The following RPL18 variants were observed in gnomAD, a reference collection of about 807,000 sequenced individuals.
RPL18 encodes the protein ribosomal protein L18.
In RPL18, 4 loss-of-function variants were observed where a neutral mutation model predicts 25.0. The ratio of observed to expected loss-of-function variants is 0.16; its 90% CI spans 0.08 to 0.37. RPL18 has a LOEUF of 0.37. RPL18 is among the 10% of genes least tolerant of loss of function. RPL18 has a pLI of 1.00. For missense variants in RPL18, 179 were observed against 267.9 expected, an observed-to-expected ratio of 0.67 and a Z score of 2.32; for synonymous variants, 129 against 101.6, an observed-to-expected ratio of 1.27 and a Z score of -1.62.
chr19:48,617,090 C>T lies in RPL18; in HGVS notation c.198+226G>A, dbSNP rs1307531960. The T allele has an allele frequency of 9.9e-6, 7 of 704,836 alleles. No homozygotes were observed. The Admixed American group carries it at 1.2e-4, about 12-fold the overall frequency. The allele number at this position is 704,836 out of a possible 1,614,324, so 43.7% of individuals were successfully genotyped here. ...ACTTGGGGCAATCTCCTGAAGCCAC[C>T]AGGACACCTCCACCTCACAAAGAGA... On this transcript the variant is annotated intron_variant, in intron 3 of 6. Coordinates refer to ENST00000549920, the MANE Select transcript of RPL18 (RefSeq NM_000979.4).
chr19:48,618,350 G>GA (rs1295177111), intron 1 of RPL18: 1 of 156,712 alleles, frequency 6.4e-6, no homozygotes, highest in Non-Finnish European at 1.4e-5. Flanking sequence ...TTTTAAAGTG[G>GA]AGACAGGGTC....
chr19:48,615,416 C>G lies in RPL18; in HGVS notation c.523G>C (p.Glu175Gln), dbSNP rs747784721. The change falls in exon 7 of 7, where the codon GAG becomes CAG. Residue 175 changes from glutamate (E) to glutamine (Q), a missense_variant. Coordinates refer to ENST00000549920, the MANE Select transcript of RPL18 (RefSeq NM_000979.4). ...PYVRSKGRKFERARGRRASRG... is the reference protein window; with the variant it reads ...PYVRSKGRKFQRARGRRASRG... ...CTGGCCCGTCGGCCTCTGGCACGCT[C>G]GAACTTCCGGCCCTTGGAGCGGACG... is the stretch of plus-strand genomic sequence containing the variant. The G allele has an allele frequency of 4.3e-6, 7 of 1,613,026 alleles. No homozygotes were observed. The highest frequency in any genetic ancestry group is 5.9e-6 in the Non-Finnish European group (7 of 1,179,572).
At position 48,617,382 on chromosome 19, in the gene RPL18, G is replaced by A. The variant is rs780510057; in HGVS notation, c.132C>T (p.Asn44=). Reference sequence around the variant, plus strand: ...TAAACAACCTCTTCAACACAACCTGGTTGAATGTGGAGTTGGTTCTTCTGG... The same window carrying A: ...TAAACAACCTCTTCAACACAACCTGATTGAATGTGGAGTTGGTTCTTCTGG... ...FLARRTNSTF[N]QVVLKRLFMS... The change falls in exon 3 of 7, where the codon AAC becomes AAT. Residue 44 remains asparagine (N), a synonymous_variant. Transcript: ENST00000549920. 9.3e-6 allele frequency: 15 copies of A among 1,614,094 alleles called. No individual in the cohort carries two copies. The Admixed American group carries it at 1.7e-4, about 18-fold the overall frequency.
chr19:48,617,554 G>A (rs553076348), intron 2 of RPL18, 131 bp from the exon 3 acceptor site: 52 of 776,654 alleles, frequency 6.7e-5, no homozygotes, highest in Non-Finnish European at 1.1e-4. Flanking sequence ...CCGACCTAGA[G>A]GGAGAAAGCT....
intron 4 of RPL18, 139 bp from the exon 5 acceptor site, chr19:48,616,341 G>A: frequency 3.0e-6 from 3 of 1,011,816 alleles, no homozygotes; most frequent in Non-Finnish European, 4.3e-6. Flanking sequence ...ACCCTGGGCT[G>A]ACAGCAGCAG....
rs767862354 is a variant in RPL18, at chr19:48,617,848, T to C, written c.33A>G (p.Arg11=). MGVDIRHNKD[R]KVRRKEPKSQ... ...TCTTGGGCTCCTTGCGCCGAACCTT[T>C]CGGTCCTTGTTATGGCGGATGTCCA... The change falls in exon 2 of 7, where the codon CGA becomes CGG. Residue 11 remains arginine, a synonymous_variant. Transcript: ENST00000549920. 9 of 1,614,084 alleles carry C rather than the reference T, an allele frequency of 5.6e-6. No homozygotes were observed. The highest frequency in any genetic ancestry group is 7.6e-6 in the Non-Finnish European group (9 of 1,180,034).
chr19:48,616,490 G>A, intron 4 of RPL18: 2 of 689,684 alleles, frequency 2.9e-6, no homozygotes, highest in Non-Finnish European at 5.3e-6. Flanking sequence ...CTGGCTCTAG[G>A]GGCCAGCACT....
Position 48,615,408 on chromosome 19 carries a change from G to C in RPL18, c.531C>G (p.Ala177=). 1.9e-6 allele frequency: 3 copies of C among 1,613,196 alleles called. No homozygotes were observed. Among genetic ancestry groups the C allele is most frequent in the South Asian group, 2.2e-5 (2 of 90,746 alleles). ...AGCCTCGGCTGGCCCGTCGGCCTCT[G>C]GCACGCTCGAACTTCCGGCCCTTGG... ...VRSKGRKFER[A]RGRRASRGYK... Residue 177 remains alanine (A), a synonymous_variant, in exon 7 of 7, where the codon GCC becomes GCG. Coordinates refer to ENST00000549920, the MANE Select transcript of RPL18 (RefSeq NM_000979.4).
Position 48,615,430 on chromosome 19 carries a change from T to C in RPL18, c.509A>G (p.Lys170Arg). ...HSHTKPYVRS[K>R]GRKFERARGR... ...TCTGGCACGCTCGAACTTCCGGCCC[T>C]TGGAGCGGACGTAGGGTCTGTGGGG... Residue 170 changes from lysine to arginine, a missense_variant, in exon 7 of 7, where the codon AAG (lysine) becomes AGG (arginine). Lys to Arg is a conservative substitution (Grantham distance 26). Coordinates refer to ENST00000549920, the MANE Select transcript of RPL18 (RefSeq NM_000979.4). 6.2e-7 allele frequency: 1 copy of C among 1,612,978 alleles called. No homozygotes were observed. Among genetic ancestry groups the C allele is most frequent in the South Asian group, 1.1e-5 (1 of 90,706 alleles).
In RPL18 at chr19:48,615,396, C is replaced by T. The variant is rs1974136670; in HGVS notation, c.543G>A (p.Arg181=). The T allele has an allele frequency of 3.7e-6, 6 of 1,612,854 alleles. No homozygotes were observed. In the East Asian group the frequency reaches 1.1e-4, roughly 30 times the overall value. The change falls in exon 7 of 7, where the codon CGG becomes CGA. Residue 181 remains arginine (R), a synonymous_variant. Coordinates refer to ENST00000549920, the MANE Select transcript of RPL18 (RefSeq NM_000979.4). ...GTTAGTTTTTGTAGCCTCGGCTGGC[C>T]CGTCGGCCTCTGGCACGCTCGAACT... is the stretch of plus-strand genomic sequence containing the variant. ...GRKFERARGR[R]ASRGYKN is the part of the protein sequence containing the mutation.
At chr19:48,619,011 T>C (rs765910537) in intron 1 of RPL18, 130 bp downstream of exon 1, 129 of 940,088 alleles carry the variant, frequency 1.4e-4, no homozygotes, top group Non-Finnish European at 2.1e-4. Context: ...CCAGAGTAGG[T>C]CCCCAGTATC....
At position 48,617,427 on chromosome 19, in the gene RPL18, G is replaced by C. The variant is rs200523276; in HGVS notation, c.91-4C>G. 14 of 1,609,704 alleles carry C rather than the reference G, an allele frequency of 8.7e-6. No individual in the cohort carries two copies. The highest frequency in any genetic ancestry group is 1.1e-5 in the Non-Finnish European group (13 of 1,176,042). ...TTCTGGCCAGAAACCTGTATAACTG[G>C]AGGGACGGGAAGACAGTGAGAAGCT... is the stretch of plus-strand genomic sequence containing the variant. On this transcript the variant is annotated splice_region_variant and splice_polypyrimidine_tract_variant and intron_variant, in intron 2 of 6. Transcript: ENST00000549920.
chr19:48,618,913 G>A (rs1287081863), intron 1 of RPL18: 9 of 572,044 alleles, frequency 1.6e-5, no homozygotes, highest in Non-Finnish European at 2.5e-5. Flanking sequence ...TGTAAACCCA[G>A]TCATATCAGC....
rs776941465 is a variant in RPL18, at chr19:48,619,170, C to T, written c.-27G>A. On this transcript the variant is annotated 5_prime_UTR_variant, in exon 1 of 7. Coordinates refer to ENST00000549920, the MANE Select transcript of RPL18 (RefSeq NM_000979.4). ...ATGGCGCCTCCTGCTCGGCCAGGTC[C>T]GGAAAGAGAGAACGGGCTGGGGTGG... The T allele has an allele frequency of 1.4e-4, 125 of 911,990 alleles. 1 individual carries two copies. The Admixed American group carries it at 2.2e-3, about 16-fold the overall frequency. 56.5% of individuals were successfully genotyped at this position (911,990 alleles called of 1,614,324 possible). A position where few individuals can be genotyped will look rare whatever the true frequency, so the allele number is the denominator to read the frequency against.
At chr19:48,618,827 G>T (rs1974273909) in intron 1 of RPL18, 1 of 468,098 alleles carries the variant, frequency 2.1e-6, no homozygotes, top group South Asian at 2.8e-5. Flanking sequence ...GATAAAGGCA[G>T]CAAAGCCAAA....
At position 48,616,419 on chromosome 19, in the gene RPL18, C is replaced by A. The variant is rs149583060; in HGVS notation, c.298-217G>T. On this transcript the variant is annotated intron_variant, in intron 4 of 6. Coordinates refer to ENST00000549920, the MANE Select transcript of RPL18 (RefSeq NM_000979.4). Reference sequence around the variant, plus strand: ...TATGCTAGAAACTACAGCAAGGAAGCTGGGCCAAAAAAAGACCTGTGCAGA... The same window carrying A: ...TATGCTAGAAACTACAGCAAGGAAGATGGGCCAAAAAAAGACCTGTGCAGA... 4.3e-5 allele frequency: 28 copies of A among 657,868 alleles called. No homozygotes were observed. In the East Asian group the frequency reaches 7.3e-4, roughly 17 times the overall value. The allele number at this position is 657,868 out of a possible 1,614,324, so 40.8% of individuals were successfully genotyped here.
chr19:48,617,652 A>AG (rs1974218007), intron 2 of RPL18, 139 bp downstream of exon 2: 1 of 710,508 alleles, frequency 1.4e-6, no homozygotes, highest in Non-Finnish European at 2.4e-6. Context: ...ATACAAATGC[A>AG]GGAGACCCTG....
intron 4 of RPL18, 140 bp downstream of exon 4, chr19:48,616,586 A>G: frequency 1.3e-6 from 1 of 762,222 alleles, no homozygotes; most frequent in Non-Finnish European, 2.3e-6. Context: ...CAATCCTCAA[A>G]GCCACTCAGA....
In RPL18 at chr19:48,615,420, C is replaced by T. The variant is rs777711106; in HGVS notation, c.519G>A (p.Lys173=). The T allele has an allele frequency of 6.2e-7, 1 of 1,613,248 alleles. No individual in the cohort carries two copies. Among genetic ancestry groups the T allele is most frequent in the Non-Finnish European group, 8.5e-7 (1 of 1,179,588 alleles). ...TKPYVRSKGR[K]FERARGRRAS... ...CCCGTCGGCCTCTGGCACGCTCGAACTTCCGGCCCTTGGAGCGGACGTAGG... is the reference window on the plus strand; with the variant it reads ...CCCGTCGGCCTCTGGCACGCTCGAATTTCCGGCCCTTGGAGCGGACGTAGG... The change falls in exon 7 of 7, where the codon AAG becomes AAA. Residue 173 remains lysine (K), a synonymous_variant. Coordinates refer to ENST00000549920, the MANE Select transcript of RPL18 (RefSeq NM_000979.4).
Sources: allele counts gnomAD v4.1 joint callset, GRCh38; gene constraint gnomAD v4.1.1; transcripts MANE v1.5; gene names NCBI Gene and HGNC (gene_info 2026-07-23, HGNC 2026-07-21).